The following NUDC variants were observed in gnomAD, a reference collection of about 807,000 sequenced individuals.
The protein encoded by NUDC is nuclear distribution C, dynein complex regulator, also known as nuclear migration protein nudC.
In NUDC, 14 loss-of-function variants were observed where a neutral mutation model predicts 45.0. The ratio of observed to expected loss-of-function variants is 0.31; its 90% CI spans 0.21 to 0.49. NUDC has a LOEUF of 0.49. Ranked by LOEUF, NUDC falls within the 20% of genes least tolerant of loss-of-function variation. The pLI, the probability that NUDC is intolerant of heterozygous loss-of-function variation, is 0.99. For synonymous variants in NUDC, 153 were observed against 156.7 expected, an observed-to-expected ratio of 0.98 and a Z score of 0.17; for missense variants, 323 against 426.2, an observed-to-expected ratio of 0.76 and a Z score of 2.13.
At chr1:26,945,160 C>T (rs905324689) in intron 6 of NUDC, 1 of 601,004 alleles carries the variant, frequency 1.7e-6, no homozygotes, top group Non-Finnish European at 3.0e-6. Flanking sequence ...ATGAATATCT[C>T]CCTTTCTGCT....
intron 2 of NUDC, among the ~76,000 whole-genome samples, chr1:26,934,707 T>A (rs2082212803): frequency 6.6e-6 from 1 of 151,234 alleles, no homozygotes; most frequent in African/African-American, 2.4e-5. Context: ...TCGCCCGGGC[T>A]GGAGTGCAGT....
intron 1 of NUDC, chr1:26,900,428 GC>G (rs1216938931): frequency 1.2e-6 from 2 of 1,609,034 alleles, no homozygotes; most frequent in Non-Finnish European, 1.7e-6. Context: ...CCTCCGCCTC[GC>G]CGGGCACCGC....
Position 26,946,119 on chromosome 1 carries a change from C to G in NUDC, c.945-11C>G. The G allele has an allele frequency of 6.2e-7, 1 of 1,610,062 alleles. No individual in the cohort carries two copies. Among genetic ancestry groups the G allele is most frequent in the Non-Finnish European group, 8.5e-7 (1 of 1,176,814 alleles). On this transcript the variant is annotated splice_polypyrimidine_tract_variant and intron_variant, in intron 8 of 8. Coordinates refer to ENST00000321265, the MANE Select transcript of NUDC (RefSeq NM_006600.4). Reference sequence around the variant, plus strand: ...AGGATGAGCTGTTTCATCTTGCTTCCGTTTCTCCAGGTTCATGGATCAACA... The same window carrying G: ...AGGATGAGCTGTTTCATCTTGCTTCGGTTTCTCCAGGTTCATGGATCAACA...
In NUDC at chr1:26,921,949, C is replaced by T. The variant is rs35108146; in HGVS notation, c.81+20C>T. On this transcript the variant is annotated intron_variant, in intron 1 of 8. Transcript: ENST00000321265. ...CAGGAGGTAACGGCCCGCGCGGCGT[C>T]GGCCCACCCGGCGGCCTTGGCCACG... is the stretch of plus-strand genomic sequence containing the variant. 0.072 allele frequency: 111,495 copies of T among 1,547,992 alleles called. 4,304 individuals are homozygous for T. Among genetic ancestry groups the T allele is most frequent in the Non-Finnish European group, 0.079 (90,970 of 1,145,400 alleles).
rs575917384 is a variant in NUDC, at chr1:26,908,734, A to G, written c.-15-2394A>G. On this transcript the variant is annotated intron_variant, in intron 2 of 6. Coordinates refer to the NUDC transcript ENST00000435827. ...CACCATACCTAGCTTACTTTATTTT[A>G]TTTTACTTTTATTTATTTATTTTTT... Among the ~76,000 whole-genome samples, 11 of 149,636 alleles carry G rather than the reference A, an allele frequency of 7.4e-5. No individual in the cohort carries two copies. The South Asian group carries it at 2.3e-3, about 32-fold the overall frequency.
chr1:26,905,369 C>T (rs1326870186), intron 2 of NUDC, among the ~76,000 whole-genome samples: 1 of 151,680 alleles, frequency 6.6e-6, no homozygotes, highest in East Asian at 1.9e-4. Context: ...CCATGCTGGC[C>T]AGGCTGGTCT....
chr1:26,943,612 A>G (rs1370268064), intron 6 of NUDC, among the ~76,000 whole-genome samples: 4 of 152,164 alleles, frequency 2.6e-5, no homozygotes, highest in Non-Finnish European at 5.9e-5. Context: ...AGGTTTGTAC[A>G]TGCATTCAAT....
At chr1:26,925,872 C>T (rs1386323636) in intron 2 of NUDC, among the ~76,000 whole-genome samples, 1 of 151,934 alleles carries the variant, frequency 6.6e-6, no homozygotes, top group East Asian at 1.9e-4. Flanking sequence ...CAGGCATGCA[C>T]CACCACGCCT....
intron 3 of NUDC, chr1:26,913,316 T>G: frequency 2.2e-4 from 249 of 1,114,516 alleles, no homozygotes; most frequent in Non-Finnish European, 3.1e-4. Context: ...GAGGACCCAA[T>G]GAGATAACAG....
intron 2 of NUDC, among the ~76,000 whole-genome samples, chr1:26,940,476 CAA>C (rs56232013): frequency 7.5e-6 from 1 of 133,484 alleles, no homozygotes; most frequent in Non-Finnish European, 1.6e-5. Flanking sequence ...AACTCCATCT[CAA>C]AAAAAAAAAT....
intron 2 of NUDC, among the ~76,000 whole-genome samples, chr1:26,938,527 A>C (rs2082252395): frequency 6.6e-6 from 1 of 152,182 alleles, no homozygotes; most frequent in Non-Finnish European, 1.5e-5. Flanking sequence ...CTCCCCTACC[A>C]GTTTAATTTG....
intron 2 of NUDC, among the ~76,000 whole-genome samples, chr1:26,935,974 A>G (rs2082226170): frequency 6.7e-6 from 1 of 148,256 alleles, no homozygotes; most frequent in Non-Finnish European, 1.5e-5. Flanking sequence ...CAAAAAAAAA[A>G]TGTTTTGTTT....
intron 2 of NUDC, among the ~76,000 whole-genome samples, chr1:26,928,007 CA>C (rs1157234899): frequency 6.6e-6 from 1 of 151,888 alleles, no homozygotes; most frequent in African/African-American, 2.4e-5. Flanking sequence ...CACGAACTTA[CA>C]AAAAAATACA....
intron 4 of NUDC, among the ~76,000 whole-genome samples, chr1:26,942,278 A>G (rs1003322561): frequency 5.3e-5 from 8 of 152,170 alleles, no homozygotes; most frequent in Non-Finnish European, 1.2e-4. Flanking sequence ...GCGACAGAGC[A>G]AGACTCCGTC....
In NUDC at chr1:26,924,075, T is replaced by C. The variant is rs747187158; in HGVS notation, c.82-14T>C. On this transcript the variant is annotated splice_polypyrimidine_tract_variant and intron_variant, in intron 1 of 8. Coordinates refer to ENST00000321265, the MANE Select transcript of NUDC (RefSeq NM_006600.4). ...ATGCAGCTCTACTACTTTAATCTTC[T>C]CCCCCTCTTTCAGCTTGTGAACACC... 1 of 1,613,202 alleles carries C rather than the reference T, an allele frequency of 6.2e-7. No homozygotes were observed. The highest frequency in any genetic ancestry group is 8.5e-7 in the Non-Finnish European group (1 of 1,179,344).
chr1:26,946,488 G>A lies in NUDC; in HGVS notation c.*307G>A. 1 of 440,114 alleles carries A rather than the reference G, an allele frequency of 2.3e-6. No homozygotes were observed. The allele number at this position is 440,114 out of a possible 1,614,324, so 27.3% of individuals were successfully genotyped here. ...AACTGGGAGTTTGGCTTCTAGCCCA[G>A]ATTCTGCCATGTGACCTAGGGCACA... On this transcript the variant is annotated 3_prime_UTR_variant, in exon 9 of 9. Transcript: ENST00000321265.
chr1:26,939,103 C>T (rs1167391593), intron 2 of NUDC, among the ~76,000 whole-genome samples: 1 of 152,198 alleles, frequency 6.6e-6, no homozygotes, highest in Non-Finnish European at 1.5e-5. Context: ...AAGTGATTCC[C>T]CCACCTCAGC....
upstream of NUDC, chr1:26,921,656 A>T: frequency 9.4e-6 from 6 of 635,678 alleles, no homozygotes; most frequent in Non-Finnish European, 1.7e-5. Context: ...CCGCACGGTC[A>T]ATGGCCGCAA....
chr1:26,939,653 C>T (rs1268749599), intron 2 of NUDC, among the ~76,000 whole-genome samples: 1 of 152,014 alleles, frequency 6.6e-6, no homozygotes, highest in Non-Finnish European at 1.5e-5. Context: ...CTCAGGGTCA[C>T]GCAGGTAAGA....
Sources: allele counts gnomAD v4.1 joint callset (sites outside exome capture counted in the v4.1 genomes callset), GRCh38; gene constraint gnomAD v4.1.1; transcripts MANE v1.5; gene names NCBI Gene and HGNC (gene_info 2026-07-23, HGNC 2026-07-21).